Variants in HIKESHI observed in about 807,000 individuals in gnomAD.
HIKESHI encodes heat shock protein nuclear import factor hikeshi, also known as protein Hikeshi.
A neutral mutation model predicts 25.7 loss-of-function variants in HIKESHI; 13 were observed. The observed-to-expected ratio is 0.51, with a 90% CI of 0.33 to 0.80. The LOEUF (loss-of-function observed/expected upper bound fraction) is 0.80, where lower values mean the gene tolerates loss of function less well. Ranked by LOEUF, HIKESHI falls within the 30% of genes least tolerant of loss-of-function variation. The pLI is 0.02. For missense variants in HIKESHI, 174 were observed against 229.5 expected, an observed-to-expected ratio of 0.76 and a Z score of 1.56; for synonymous variants, 76 against 78.7, an observed-to-expected ratio of 0.97 and a Z score of 0.18.
chr11:86,313,580 T>A (rs1201165842), intron 2 of HIKESHI, among the ~76,000 whole-genome samples: 1 of 152,212 alleles, frequency 6.6e-6, no homozygotes, highest in Non-Finnish European at 1.5e-5. Context: ...GAAAATTATG[T>A]TTAGGTACCA....
At chr11:86,308,257 C>A (rs61904305) in intron 2 of HIKESHI, among the ~76,000 whole-genome samples, 4 of 97,116 alleles carry the variant, frequency 4.1e-5, no homozygotes, top group African/African-American at 1.0e-4. Flanking sequence ...ATATATATTA[C>A]ATATAAAATG....
At chr11:86,305,132 T>C (rs1239762770) in intron 1 of HIKESHI, among the ~76,000 whole-genome samples, 1 of 152,138 alleles carries the variant, frequency 6.6e-6, no homozygotes, top group Non-Finnish European at 1.5e-5. Flanking sequence ...CCCGAGTAGC[T>C]GGGACCAAAG....
In HIKESHI at chr11:86,302,383, C is replaced by T. The variant is rs190646579; in HGVS notation, c.-66C>T. 244 of 1,543,516 alleles carry T rather than the reference C, an allele frequency of 1.6e-4. 1 individual carries two copies. In the African/African-American group the frequency reaches 3.1e-3, roughly 19 times the overall value. ...GGAAGGTTCTTAGTCTCGACTAGGG[C>T]AGTAGCCCCAGGACTCCTAGTCGCC... On this transcript the variant is annotated 5_prime_UTR_variant, in exon 1 of 5. Coordinates refer to ENST00000278483, the MANE Select transcript of HIKESHI (RefSeq NM_016401.4).
intron 2 of HIKESHI, among the ~76,000 whole-genome samples, chr11:86,331,103 A>G (rs1229503224): frequency 6.6e-6 from 1 of 152,210 alleles, no homozygotes; most frequent in African/African-American, 2.4e-5. Flanking sequence ...ACACAAATGC[A>G]TGGTAGTACC....
chr11:86,306,303 A>T lies in HIKESHI; in HGVS notation c.89A>T (p.Tyr30Phe), dbSNP rs1318048158. The change falls in exon 2 of 5, where the codon TAT becomes TTT. Residue 30 changes from tyrosine to phenylalanine, a missense_variant. Physicochemically the swap from Tyr to Phe is conservative, Grantham distance 22. Transcript: ENST00000278483. ...AAATTTGTTTTTGACTTACCTGATT[A>T]TGAAAGTATCAACCATGTTGTGGTT... Reference protein sequence around the residue: ...EDKFVFDLPDYESINHVVVFM... With the variant: ...EDKFVFDLPDFESINHVVVFM... 1 of 1,614,016 alleles carries T rather than the reference A, an allele frequency of 6.2e-7. No individual in the cohort carries two copies. Among genetic ancestry groups the T allele is most frequent in the Non-Finnish European group, 8.5e-7 (1 of 1,180,004 alleles).
intron 2 of HIKESHI, among the ~76,000 whole-genome samples, chr11:86,319,732 TTC>T (rs1947102230): frequency 6.6e-6 from 1 of 152,184 alleles, no homozygotes; most frequent in Non-Finnish European, 1.5e-5. Flanking sequence ...AGATAATGTA[TTC>T]TCTCTTCTCC....
In HIKESHI at chr11:86,308,605, A is replaced by G. The variant is rs529608406; in HGVS notation, c.268+2123A>G. Among the ~76,000 whole-genome samples, 4 of 111,626 alleles carry G rather than the reference A, an allele frequency of 3.6e-5. No individual in the cohort carries two copies. The South Asian group carries it at 1.4e-3, about 38-fold the overall frequency. The allele number at this position is 111,626 out of a possible 152,430, so 73.2% of individuals were successfully genotyped here. Reference sequence around the variant, plus strand: ...TCTATAATGCTTTAACTTCTAGGGTACATGTGCAGAACGTGCAGGTTCATT... The same window carrying G: ...TCTATAATGCTTTAACTTCTAGGGTGCATGTGCAGAACGTGCAGGTTCATT... On this transcript the variant is annotated intron_variant, in intron 2 of 4. Transcript: ENST00000278483.
intron 2 of HIKESHI, among the ~76,000 whole-genome samples, chr11:86,333,411 T>A (rs1947470302): frequency 6.6e-6 from 1 of 151,988 alleles, no homozygotes; most frequent in South Asian, 2.1e-4. Context: ...TGCACAGGCC[T>A]GTAATCCCAG....
At chr11:86,321,535 A>G (rs1035203315) in intron 2 of HIKESHI, among the ~76,000 whole-genome samples, 3 of 146,702 alleles carry the variant, frequency 2.0e-5, no homozygotes, top group Non-Finnish European at 4.5e-5. Flanking sequence ...TTTGTTTTAC[A>G]TTTTTTTTTT....
intron 3 of HIKESHI, chr11:86,344,307 AC>A (rs1947812469): frequency 8.0e-6 from 2 of 251,440 alleles, no homozygotes; most frequent in African/African-American, 4.4e-5. Context: ...ATGTATGATT[AC>A]TCTTAACATT....
In HIKESHI at chr11:86,311,530, T is replaced by C. The variant is rs553457380; in HGVS notation, c.268+5048T>C. ...AACCAGCTCCTGGATTCATTGATTT[T>C]CTGAAGGGTTTTTTCTGTCTCTATC... is the stretch of plus-strand genomic sequence containing the variant. On this transcript the variant is annotated intron_variant, in intron 2 of 4. Transcript: ENST00000278483. 1.7e-3 allele frequency among the ~76,000 whole-genome samples: 265 copies of C among 152,280 alleles called. 1 individual carries two copies. Among genetic ancestry groups the C allele is most frequent in the African/African-American group, 6.3e-3 (261 of 41,520 alleles).
intron 2 of HIKESHI, among the ~76,000 whole-genome samples, chr11:86,319,040 C>T (rs1947074003): frequency 6.6e-6 from 1 of 151,866 alleles, no homozygotes; most frequent in South Asian, 2.1e-4. Context: ...CCTTAGCCTC[C>T]TGAGTAGCTA....
chr11:86,343,288 G>T (rs953677674), intron 3 of HIKESHI, among the ~76,000 whole-genome samples: 1 of 146,876 alleles, frequency 6.8e-6, no homozygotes, highest in Admixed American at 7.0e-5. Context: ...TATTGTCACT[G>T]GTGTGGAGGA....
intron 2 of HIKESHI, among the ~76,000 whole-genome samples, chr11:86,329,823 A>T (rs1028364907): frequency 6.6e-6 from 1 of 151,938 alleles, no homozygotes; most frequent in Non-Finnish European, 1.5e-5. Flanking sequence ...CAGCTTTCTT[A>T]TAGTGTTTAC....
intron 2 of HIKESHI, among the ~76,000 whole-genome samples, chr11:86,307,235 CATCATATATCAAATATATATTAT>C (rs1946656772): frequency 1.4e-5 from 1 of 70,382 alleles, no homozygotes; most frequent in African/African-American, 5.5e-5. Flanking sequence ...GTGTAATATA[CATCATATATCAAATATATATTAT>C]GTGTAATATA....
At position 86,307,317 on chromosome 11, in the gene HIKESHI, CAT is replaced by C. The variant is rs893810897; in HGVS notation, c.268+840_268+841del. ...TGTGTAATATACATCATATATCAAA[CAT>C]ATATTATGTGTAATATACATTATAT... On this transcript the variant is annotated intron_variant, in intron 2 of 4. Coordinates refer to ENST00000278483, the MANE Select transcript of HIKESHI (RefSeq NM_016401.4). 2.4e-4 allele frequency among the ~76,000 whole-genome samples: 9 copies of C among 37,352 alleles called. 1 individual carries two copies. The highest frequency in any genetic ancestry group is 1.6e-3 in the East Asian group (1 of 638). 24.5% of individuals were successfully genotyped at this position (37,352 alleles called of 152,430 possible). A position where few individuals can be genotyped will look rare whatever the true frequency, so the allele number is the denominator to read the frequency against.
chr11:86,307,003 GAA>G (rs200914438), intron 2 of HIKESHI, among the ~76,000 whole-genome samples: 12,419 of 112,658 alleles, frequency 0.11, 1,313 homozygotes, highest in East Asian at 0.25. Context: ...CTGTCTCAAA[GAA>G]AAAAAAAATA....
intron 2 of HIKESHI, among the ~76,000 whole-genome samples, chr11:86,311,212 C>G (rs932011554): frequency 6.6e-6 from 1 of 152,076 alleles, no homozygotes; most frequent in Non-Finnish European, 1.5e-5. Context: ...GCTTGGTAGG[C>G]TATTAATTAT....
At chr11:86,324,394 T>C (rs1301200328) in intron 2 of HIKESHI, 1 of 152,224 alleles carries the variant, frequency 6.6e-6, no homozygotes, top group Non-Finnish European at 1.5e-5. Context: ...AAAACAAATT[T>C]TCAGGGCAAT....
Sources: gnomAD v4.1 joint callset for allele counts (sites outside exome capture counted in the v4.1 genomes callset) on GRCh38, gnomAD v4.1.1 for gene constraint, MANE v1.5 for transcripts, NCBI Gene and HGNC (gene_info 2026-07-23, HGNC 2026-07-21) for gene names.